The following NELL2 variants were observed in gnomAD, a reference collection of about 807,000 sequenced individuals.
NELL2 encodes neural EGFL like 2, also known as protein kinase C-binding protein NELL2.
In NELL2, 41 loss-of-function variants were observed where a neutral mutation model predicts 109.6. The observed-to-expected ratio is 0.37, with a 90% confidence interval of 0.29 to 0.49. NELL2 has a LOEUF of 0.49. Among genes scored for constraint, NELL2 ranks in the 20% least tolerant of loss-of-function variants. The pLI is 0.98. For synonymous variants in NELL2, 355 were observed against 344.7 expected, an observed-to-expected ratio of 1.03 and a Z score of -0.33; for missense variants, 900 against 1,008.3, an observed-to-expected ratio of 0.89 and a Z score of 1.45.
chr12:44,621,297 C>T (rs1946049538), intron 13 of NELL2, among the ~76,000 whole-genome samples: 1 of 152,112 alleles, frequency 6.6e-6, no homozygotes, highest in African/African-American at 2.4e-5. Flanking sequence ...CCCTGTAGAA[C>T]CTGTGTTTCA....
chr12:44,718,853 G>T (rs1397738427), intron 9 of NELL2, among the ~76,000 whole-genome samples: 1 of 152,116 alleles, frequency 6.6e-6, no homozygotes, highest in Admixed American at 6.6e-5. Context: ...ACTCTAGTAG[G>T]TGCTGCTGTT....
At chr12:44,839,651 A>T (rs1285314248) in intron 2 of NELL2, among the ~76,000 whole-genome samples, 1 of 152,178 alleles carries the variant, frequency 6.6e-6, no homozygotes, top group African/African-American at 2.4e-5. Context: ...TTTTTTTTCT[A>T]ATTTCTGAAA....
intron 15 of NELL2, among the ~76,000 whole-genome samples, chr12:44,565,144 G>C (rs1272160558): frequency 6.6e-6 from 1 of 152,132 alleles, no homozygotes; most frequent in Non-Finnish European, 1.5e-5. Flanking sequence ...GATGCACTAA[G>C]AAGCCAAGAA....
chr12:44,752,957 G>A (rs753218932), intron 9 of NELL2, among the ~76,000 whole-genome samples: 3 of 152,054 alleles, frequency 2.0e-5, no homozygotes, highest in African/African-American at 4.8e-5. Context: ...GGTCTTGCAC[G>A]GTCTTGTAAG....
intron 10 of NELL2, among the ~76,000 whole-genome samples, chr12:44,711,983 G>C (rs946681102): frequency 2.6e-5 from 4 of 151,938 alleles, no homozygotes; most frequent in Admixed American, 2.6e-4. Context: ...ATAAATCAAT[G>C]TAAAATCACT....
At chr12:44,876,951 G>A, upstream of NELL2, 1 of 1,164,802 alleles carries the variant, frequency 8.6e-7, no homozygotes, top group Non-Finnish European at 1.1e-6. Context: ...GGCGCGGAGA[G>A]CTTCCCGGGC....
chr12:44,706,996 A>C (rs1395047164), intron 11 of NELL2, among the ~76,000 whole-genome samples: 1 of 152,220 alleles, frequency 6.6e-6, no homozygotes, highest in Non-Finnish European at 1.5e-5. Context: ...GGAACAGTAT[A>C]TATATAATAC....
chr12:44,729,375 A>T (rs1379525131), intron 9 of NELL2, among the ~76,000 whole-genome samples: 1 of 152,032 alleles, frequency 6.6e-6, no homozygotes, highest in Non-Finnish European at 1.5e-5. Context: ...GAAAAGAATC[A>T]AAAGCGTGTC....
At position 44,544,621 on chromosome 12, in the gene NELL2, T is replaced by A. The variant is rs1009170053; in HGVS notation, c.1664-11900A>T. ...CCAAATTCTTCTCTGTTGTTTGGTA[T>A]CTTTTAACTATGTGTCTTTTTTCTT... On this transcript the variant is annotated intron_variant, in intron 15 of 19. Transcript: ENST00000429094. Among the ~76,000 whole-genome samples, 3 of 152,150 alleles carry A rather than the reference T, an allele frequency of 2.0e-5. No individual in the cohort carries two copies. The East Asian group carries it at 5.8e-4, about 29-fold the overall frequency.
intron 3 of NELL2, among the ~76,000 whole-genome samples, chr12:44,786,854 C>T (rs1343255672): frequency 2.0e-5 from 3 of 151,992 alleles, no homozygotes; most frequent in African/African-American, 4.8e-5. Flanking sequence ...GAGAGGAGAA[C>T]ATCACGTACC....
chr12:44,832,306 T>G (rs543591106), intron 2 of NELL2, among the ~76,000 whole-genome samples: 1 of 152,260 alleles, frequency 6.6e-6, no homozygotes, highest in Non-Finnish European at 1.5e-5. Context: ...ACCAAAACAA[T>G]GTGATAAGAG....
chr12:44,629,944 T>C (rs1946392074), intron 13 of NELL2, among the ~76,000 whole-genome samples: 1 of 152,196 alleles, frequency 6.6e-6, no homozygotes, highest in Admixed American at 6.5e-5. Context: ...GAATCACATG[T>C]TGGTTGGTTA....
At chr12:44,829,147 A>G (rs1488391135) in intron 2 of NELL2, among the ~76,000 whole-genome samples, 1 of 152,150 alleles carries the variant, frequency 6.6e-6, no homozygotes, top group Non-Finnish European at 1.5e-5. Flanking sequence ...GTACTGCTCA[A>G]GAATAAGATC....
chr12:44,828,572 G>C (rs1476424047), intron 2 of NELL2, among the ~76,000 whole-genome samples: 1 of 152,086 alleles, frequency 6.6e-6, no homozygotes, highest in Non-Finnish European at 1.5e-5. Context: ...AATATAATCA[G>C]AAATCAGAAG....
At chr12:44,554,107 T>C (rs1943148311) in intron 15 of NELL2, among the ~76,000 whole-genome samples, 1 of 152,166 alleles carries the variant, frequency 6.6e-6, no homozygotes, top group Admixed American at 6.6e-5. Flanking sequence ...TCATGAGGAA[T>C]CTGCAGAATG....
intron 13 of NELL2, among the ~76,000 whole-genome samples, chr12:44,637,484 G>A (rs929287165): frequency 1.4e-5 from 2 of 140,118 alleles, no homozygotes; most frequent in Non-Finnish European, 3.1e-5. Context: ...TAGGTGTTAT[G>A]AAAGAAAAAG....
chr12:44,749,616 T>C (rs1940554148), intron 9 of NELL2, among the ~76,000 whole-genome samples: 1 of 152,142 alleles, frequency 6.6e-6, no homozygotes, highest in Admixed American at 6.6e-5. Context: ...TGATGTCATT[T>C]GAGGATTATT....
At chr12:44,631,643 T>C (rs1037433) in intron 13 of NELL2, among the ~76,000 whole-genome samples, 88,445 of 151,724 alleles carry the variant, frequency 0.58, 26,341 homozygotes, top group East Asian at 0.73. Context: ...CACAATATGC[T>C]CAGGTAACAA....
chr12:44,668,403 G>A (rs886845492), intron 12 of NELL2, among the ~76,000 whole-genome samples: 1 of 152,090 alleles, frequency 6.6e-6, no homozygotes, highest in Non-Finnish European at 1.5e-5. Flanking sequence ...CCTCCTGGGG[G>A]CTGAGGATAG....
Sources: allele counts gnomAD v4.1 joint callset (sites outside exome capture counted in the v4.1 genomes callset), GRCh38; gene constraint gnomAD v4.1.1; transcripts MANE v1.5; gene names NCBI Gene and HGNC (gene_info 2026-07-23, HGNC 2026-07-21).